The following SLC9A9 variants were observed in gnomAD, a reference collection of about 807,000 sequenced individuals.
SLC9A9 encodes the protein solute carrier family 9 member A9.
Under a neutral mutation model 77.8 loss-of-function variants are expected in SLC9A9, and 62 were observed. That is an observed-to-expected ratio of 0.80 (90% CI 0.65 to 0.98). The LOEUF is 0.98. Among genes scored for constraint, SLC9A9 ranks in the 50% least tolerant of loss-of-function variants. SLC9A9 has a pLI of 0.00. For synonymous variants in SLC9A9, 320 were observed against 283.5 expected (o/e 1.13, Z -1.29); for missense variants, 775 against 774.9 (o/e 1.00, Z 0.00).
At chr3:143,769,355 C>A (rs1381107615) in intron 4 of SLC9A9, among the ~76,000 whole-genome samples, 1 of 151,992 alleles carries the variant, frequency 6.6e-6, no homozygotes, top group East Asian at 1.9e-4. Context: ...CTCTTTATTC[C>A]CCTTGATGGA....
intron 14 of SLC9A9, among the ~76,000 whole-genome samples, chr3:143,292,166 T>C (rs566835285): frequency 6.6e-6 from 1 of 152,322 alleles, no homozygotes; most frequent in Non-Finnish European, 1.5e-5. Flanking sequence ...ACATTTGGCA[T>C]AGAAGCCCCT....
At chr3:143,584,172 G>T in intron 6 of SLC9A9, among the ~76,000 whole-genome samples, 1 of 151,378 alleles carries the variant, frequency 6.6e-6, no homozygotes, top group East Asian at 2.0e-4. Context: ...TCTCTCTCCT[G>T]ATCACGACAC....
intron 4 of SLC9A9, among the ~76,000 whole-genome samples, chr3:143,707,150 G>A (rs61220982): frequency 7.2e-5 from 11 of 152,300 alleles, no homozygotes; most frequent in African/African-American, 2.6e-4. Flanking sequence ...CAACCCCACA[G>A]TTCTCCTTTT....
At chr3:143,553,793 A>G (rs76678234) in intron 8 of SLC9A9, among the ~76,000 whole-genome samples, 5,419 of 152,330 alleles carry the variant, frequency 0.036, 140 homozygotes, top group South Asian at 0.092. Flanking sequence ...AGGCAATTCA[A>G]CAGATTTTTG....
intron 12 of SLC9A9, among the ~76,000 whole-genome samples, chr3:143,449,938 A>G (rs1479280367): frequency 2.2e-5 from 2 of 90,096 alleles, no homozygotes; most frequent in Non-Finnish European, 3.7e-5. Context: ...TTACATGTAT[A>G]TATATTATAA....
At chr3:143,625,522 C>T (rs2038306175) in intron 6 of SLC9A9, among the ~76,000 whole-genome samples, 1 of 152,136 alleles carries the variant, frequency 6.6e-6, no homozygotes, top group African/African-American at 2.4e-5. Flanking sequence ...GGAAAAGATT[C>T]CCTATTTAAT....
At chr3:143,613,091 A>G (rs1576610375) in intron 6 of SLC9A9, among the ~76,000 whole-genome samples, 2 of 152,364 alleles carry the variant, frequency 1.3e-5, no homozygotes, top group Non-Finnish European at 2.9e-5. Flanking sequence ...AGTACTGGAA[A>G]GATACAAAAC....
At chr3:143,456,896 A>C (rs1468610940) in intron 12 of SLC9A9, among the ~76,000 whole-genome samples, 1 of 152,152 alleles carries the variant, frequency 6.6e-6, no homozygotes. Flanking sequence ...AGGATGATTC[A>C]GTTTATATAT....
chr3:143,693,471 C>G (rs750599929), intron 4 of SLC9A9, among the ~76,000 whole-genome samples, 164 bp from the exon 5 acceptor site: 1 of 152,140 alleles, frequency 6.6e-6, no homozygotes, highest in Non-Finnish European at 1.5e-5. Flanking sequence ...ACTGGAATCT[C>G]TTGGCTATGA....
At chr3:143,704,196 A>C (rs1486913625) in intron 4 of SLC9A9, among the ~76,000 whole-genome samples, 4 of 152,198 alleles carry the variant, frequency 2.6e-5, no homozygotes, top group Non-Finnish European at 5.9e-5. Flanking sequence ...ATAGAGGAGA[A>C]GGAGGGAATA....
At chr3:143,474,228 G>T (rs1004648482) in intron 11 of SLC9A9, among the ~76,000 whole-genome samples, 5 of 152,328 alleles carry the variant, frequency 3.3e-5, no homozygotes, top group Non-Finnish European at 7.4e-5. Flanking sequence ...ACAGGGTGGA[G>T]CTGGGAGGCA....
chr3:143,577,055 C>G (rs1287235279), intron 7 of SLC9A9, among the ~76,000 whole-genome samples: 1 of 152,146 alleles, frequency 6.6e-6, no homozygotes, highest in Non-Finnish European at 1.5e-5. Context: ...TCACAGTTTC[C>G]CTTGATTCTA....
intron 9 of SLC9A9, chr3:143,504,270 C>A: frequency 4.3e-6 from 1 of 232,818 alleles, no homozygotes; most frequent in South Asian, 6.3e-5. Flanking sequence ...TTCACCTTCA[C>A]CATGGTGTCT....
intron 12 of SLC9A9, among the ~76,000 whole-genome samples, chr3:143,439,100 C>T (rs2034677828): frequency 6.6e-6 from 1 of 152,206 alleles, no homozygotes; most frequent in African/African-American, 2.4e-5. Context: ...ATACAGCTTA[C>T]TAAGAGTGAC....
chr3:143,768,822 C>G (rs2007416541), intron 4 of SLC9A9, among the ~76,000 whole-genome samples: 1 of 152,182 alleles, frequency 6.6e-6, no homozygotes, highest in Admixed American at 6.5e-5. Flanking sequence ...CAAGATTAGA[C>G]TCTTGCCACT....
At chr3:143,716,320 C>A (rs1242810302) in intron 4 of SLC9A9, among the ~76,000 whole-genome samples, 2 of 152,090 alleles carry the variant, frequency 1.3e-5, no homozygotes, top group Non-Finnish European at 2.9e-5. Context: ...GCAATTCTCC[C>A]ACCTCAGCCT....
intron 5 of SLC9A9, among the ~76,000 whole-genome samples, chr3:143,680,844 C>T (rs1333964196): frequency 6.6e-6 from 1 of 152,090 alleles, no homozygotes; most frequent in Non-Finnish European, 1.5e-5. Flanking sequence ...TGCTTTGGGA[C>T]ACTGACCACG....
chr3:143,509,475 C>CTG (rs2036078903), intron 9 of SLC9A9, among the ~76,000 whole-genome samples: 1 of 152,136 alleles, frequency 6.6e-6, no homozygotes, highest in African/African-American at 2.4e-5. Flanking sequence ...TGTAAAGCCT[C>CTG]TGTGTTGAAG....
intron 12 of SLC9A9, among the ~76,000 whole-genome samples, chr3:143,439,648 G>C (rs552146382): frequency 1.8e-4 from 28 of 152,162 alleles, no homozygotes; most frequent in Non-Finnish European, 3.7e-4. Flanking sequence ...TATCCCTTTA[G>C]TTAGGGGCCA....
Sources: allele counts gnomAD v4.1 joint callset (sites outside exome capture counted in the v4.1 genomes callset), GRCh38; gene constraint gnomAD v4.1.1; transcripts MANE v1.5; gene names NCBI Gene and HGNC (gene_info 2026-07-23, HGNC 2026-07-21).